The following TNIP2 variants were observed in gnomAD, a reference collection of about 807,000 sequenced individuals.
The protein encoded by TNIP2 is TNFAIP3 interacting protein 2.
Under a neutral mutation model 43.7 loss-of-function variants are expected in TNIP2, and 30 were observed. The observed-to-expected ratio is 0.69, with a 90% CI of 0.51 to 0.93. The LOEUF (loss-of-function observed/expected upper bound fraction) is 0.93, where lower values mean the gene tolerates loss of function less well. Ranked by LOEUF, TNIP2 falls within the 40% of genes least tolerant of loss-of-function variation. The probability of loss-of-function intolerance (pLI) is 0.00; values close to 1 mark genes in which losing one functional copy is unlikely to be tolerated. For missense variants in TNIP2, 599 were observed against 591.0 expected, an observed-to-expected ratio of 1.01 and a Z score of -0.14; for synonymous variants, 260 against 254.6, an observed-to-expected ratio of 1.02 and a Z score of -0.20.
At position 2,742,317 on chromosome 4, in the gene TNIP2, C is replaced by T. The variant is rs116678295; in HGVS notation, c.1230G>A (p.Gln410=). 1,281 of 1,555,770 alleles carry T rather than the reference C, an allele frequency of 8.2e-4. 6 individuals are homozygous for T. The African/African-American group carries it at 0.016, about 20-fold the overall frequency. ...CTTCCCCTTGCTCGTCACTGAAGCA[C>T]TGCAGGCAGTGAGGGCACTGAAGGT... ...QGDLQCPHCL[Q]CFSDEQGEEL... Residue 410 remains glutamine, a synonymous_variant, in exon 6 of 6, where the codon CAG becomes CAA. Coordinates refer to ENST00000315423, the MANE Select transcript of TNIP2 (RefSeq NM_024309.4).
At chr4:2,751,832 G>A (rs1722110013) in intron 1 of TNIP2, among the ~76,000 whole-genome samples, 1 of 150,434 alleles carries the variant, frequency 6.6e-6, no homozygotes, top group African/African-American at 2.5e-5. Context: ...GTGGCCCGGG[G>A]CGGTGGCTCA....
Position 2,747,680 on chromosome 4 carries a change from T to C in TNIP2, c.542A>G (p.Asn181Ser), listed in dbSNP as rs778773492. The change falls in exon 2 of 6, where the codon AAT becomes AGT. Residue 181 changes from asparagine to serine, a missense_variant. Physicochemically the swap from Asn to Ser is conservative, Grantham distance 46. Transcript: ENST00000315423. ...CTGGTCAGGACTTCTCTCCCCCACATTCCTTTGTGCATGCTGTCGTTCATC... is the reference window on the plus strand; with the variant it reads ...CTGGTCAGGACTTCTCTCCCCCACACTCCTTTGTGCATGCTGTCGTTCATC... ...CLDERQHAQR[N>S]VGERSPDQSE... 3.1e-6 allele frequency: 5 copies of C among 1,599,332 alleles called. No individual in the cohort carries two copies. Among genetic ancestry groups the C allele is most frequent in the Admixed American group, 1.7e-5 (1 of 60,010 alleles).
intron 1 of TNIP2, among the ~76,000 whole-genome samples, chr4:2,751,285 AAC>A (rs938868678): frequency 4.6e-5 from 7 of 152,222 alleles, no homozygotes; most frequent in Non-Finnish European, 8.8e-5. Flanking sequence ...ACACAGGCAC[AAC>A]ACACAGACTA....
At position 2,744,405 on chromosome 4, in the gene TNIP2, G is replaced by C; in HGVS notation, c.1008C>G (p.His336Gln). The C allele has an allele frequency of 6.2e-7, 1 of 1,614,236 alleles. No homozygotes were observed. The highest frequency in any genetic ancestry group is 1.1e-5 in the South Asian group (1 of 91,090). Residue 336 changes from histidine (H) to glutamine (Q), a missense_variant, in exon 5 of 6, where the codon CAC becomes CAG. By Grantham distance (24) the His-to-Gln change is conservative. Coordinates refer to ENST00000315423, the MANE Select transcript of TNIP2 (RefSeq NM_024309.4). This position sits in a 1 kb window ranked among gnomAD's most constrained non-coding sequence, Gnocchi z 5.1. ...ACTCTACCTGTCTCCAGGACACCTG[G>C]TGCAGCAAAGAGGCGACCTTTTCCT... ...ELEEKVASLL[H>Q]QVSWRQDSRE...
chr4:2,754,586 T>A (rs924218884), intron 1 of TNIP2, among the ~76,000 whole-genome samples: 1 of 152,150 alleles, frequency 6.6e-6, no homozygotes. Flanking sequence ...CCAGCTAATT[T>A]TTTGTATTTT....
At chr4:2,746,745 G>C (rs1721957827) in intron 2 of TNIP2, among the ~76,000 whole-genome samples, 1 of 152,240 alleles carries the variant, frequency 6.6e-6, no homozygotes, top group Non-Finnish European at 1.5e-5. Context: ...GTGCCCGGCA[G>C]TGCGAGTGAG....
rs191183378 is a variant in TNIP2 at position 2,747,226 on chromosome 4, C to T, written c.567+429G>A. Among the ~76,000 whole-genome samples the T allele has an allele frequency of 2.5e-3, 388 of 152,362 alleles. 3 individuals are homozygous for T. The highest frequency in any genetic ancestry group is 4.3e-3 in the Non-Finnish European group (294 of 68,028). On this transcript the variant is annotated intron_variant, in intron 2 of 5. Coordinates refer to ENST00000315423, the MANE Select transcript of TNIP2 (RefSeq NM_024309.4). ...AGAAGGCGGGCACTCACGGTCCTTC[C>T]AGGAGTTTGGGGTGTGGAACTGGAG... is the stretch of plus-strand genomic sequence containing the variant.
intron 1 of TNIP2, 90 bp downstream of exon 1, chr4:2,755,924 A>T (rs1378076781): frequency 1.2e-5 from 16 of 1,383,112 alleles, no homozygotes; most frequent in Non-Finnish European, 1.3e-5. Context: ...ACCCCTCAGG[A>T]CCCGGGGCCC....
rs1238418429 is a variant in TNIP2, at chr4:2,755,411, C to G, written c.276+603G>C. Among the ~76,000 whole-genome samples the G allele has an allele frequency of 3.6e-5, 5 of 139,790 alleles. No homozygotes were observed. In the East Asian group the frequency reaches 1.0e-3, roughly 29 times the overall value. 91.7% of individuals were successfully genotyped at this position (139,790 alleles called of 152,430 possible). A position where few individuals can be genotyped will look rare whatever the true frequency, so the allele number is the denominator to read the frequency against. ...ACACAGAACCCAAGAACTGCACCAA[C>G]CCCCCTCCTCAGAACCCAGTGCCTC... On this transcript the variant is annotated intron_variant, in intron 1 of 5. Coordinates refer to ENST00000315423, the MANE Select transcript of TNIP2 (RefSeq NM_024309.4).
chr4:2,756,123 TCCAGCGCGG>T lies in TNIP2; in HGVS notation c.158_166del (p.Ala53_Leu55del). ...CACTAGGGACGGCGCGGCGTCCCCC[TCCAGCGCGG>T]CCAGGCGGGCGCGGAGGCGAGCGAT... On this transcript the variant is annotated inframe_deletion, in exon 1 of 6. Transcript: ENST00000315423. 2.0e-6 allele frequency: 3 copies of T among 1,476,920 alleles called. No individual in the cohort carries two copies. Among genetic ancestry groups the T allele is most frequent in the Non-Finnish European group, 2.7e-6 (3 of 1,122,676 alleles). 91.5% of individuals were successfully genotyped at this position (1,476,920 alleles called of 1,614,324 possible).
rs750934588 is a variant in TNIP2, at chr4:2,742,352, C to G, written c.1195G>C (p.Gly399Arg). Residue 399 changes from glycine to arginine, a missense_variant, in exon 6 of 6, where the codon GGC becomes CGC. Gly to Arg is a moderately radical substitution (Grantham distance 125). Transcript: ENST00000315423. Reference sequence around the variant, plus strand: ...TGAGGGCACTGAAGGTCCCCCTGGCCTCTCTGGGCCGCGCCAGGATGCCCG... The same window carrying G: ...TGAGGGCACTGAAGGTCCCCCTGGCGTCTCTGGGCCGCGCCAGGATGCCCG... Reference protein sequence around the residue: ...EGGHPGAAQRGQGDLQCPHCL... With the variant: ...EGGHPGAAQRRQGDLQCPHCL... 1 of 1,593,688 alleles carries G rather than the reference C, an allele frequency of 6.3e-7. No homozygotes were observed. The highest frequency in any genetic ancestry group is 2.3e-5 in the East Asian group (1 of 43,832).
chr4:2,753,492 G>C (rs1234165726), intron 1 of TNIP2, among the ~76,000 whole-genome samples: 1 of 152,118 alleles, frequency 6.6e-6, no homozygotes, highest in Non-Finnish European at 1.5e-5. Context: ...CTTACATGTT[G>C]GGAAGACAGG....
chr4:2,747,785 G>T lies in TNIP2; in HGVS notation c.437C>A (p.Ser146Tyr). Residue 146 changes from serine to tyrosine, a missense_variant, in exon 2 of 6, where the codon TCC becomes TAC. Ser to Tyr is a moderately radical substitution (Grantham distance 144). Coordinates refer to ENST00000315423, the MANE Select transcript of TNIP2 (RefSeq NM_024309.4). Reference sequence around the variant, plus strand: ...CAGCTGATGGGTCTCGTTGGCCAAGGAGCGGCACAGGACGTCACTGGCGGC... The same window carrying T: ...CAGCTGATGGGTCTCGTTGGCCAAGTAGCGGCACAGGACGTCACTGGCGGC... The part of the protein sequence containing the change: ...ARAASDVLCR[S>Y]LANETHQLRR... 1 of 1,612,366 alleles carries T rather than the reference G, an allele frequency of 6.2e-7. No homozygotes were observed. Among genetic ancestry groups the T allele is most frequent in the African/African-American group, 1.3e-5 (1 of 75,072 alleles).
intron 1 of TNIP2, 110 bp from the exon 2 acceptor site, chr4:2,748,055 C>CAAACAT (rs1722001229): frequency 1.8e-6 from 2 of 1,137,930 alleles, no homozygotes; most frequent in Admixed American, 4.9e-5. Context: ...TCACCAGACA[C>CAAACAT]AAACATACTC....
chr4:2,756,252 G>A lies in TNIP2; in HGVS notation c.38C>T (p.Ala13Val), dbSNP rs1005196687. ...GCAGAGCGCGGCAGCTGCGCGCGGG[G>A]CCTCCTCCCAGCCGCCCGACCCCGG... ...RDPGSGGWEE[A>V]PRAAAALCTL... Residue 13 changes from alanine to valine, a missense_variant, in exon 1 of 6, where the codon GCC becomes GTC. Transcript: ENST00000315423. The A allele has an allele frequency of 6.9e-7, 1 of 1,443,646 alleles. No individual in the cohort carries two copies. The highest frequency in any genetic ancestry group is 9.1e-7 in the Non-Finnish European group (1 of 1,103,302). The allele number at this position is 1,443,646 out of a possible 1,614,324, so 89.4% of individuals were successfully genotyped here.
chr4:2,754,264 G>A (rs1722170261), intron 1 of TNIP2, among the ~76,000 whole-genome samples: 1 of 152,220 alleles, frequency 6.6e-6, no homozygotes, highest in Admixed American at 6.5e-5. Flanking sequence ...AATAATAGAT[G>A]CCAGAGCTCA....
intron 3 of TNIP2, among the ~76,000 whole-genome samples, chr4:2,745,164 G>A (rs939520626): frequency 9.2e-5 from 14 of 152,344 alleles, no homozygotes; most frequent in African/African-American, 1.7e-4. Flanking sequence ...ATGAACGGAG[G>A]TGGACTCGGT....
intron 5 of TNIP2, among the ~76,000 whole-genome samples, chr4:2,742,908 T>G (rs920961630): frequency 1.3e-5 from 2 of 152,198 alleles, no homozygotes; most frequent in African/African-American, 4.8e-5. Context: ...GTACCAACCC[T>G]ACTCTGCACC....
At chr4:2,752,158 G>GA (rs1264497363) in intron 1 of TNIP2, among the ~76,000 whole-genome samples, 1 of 150,230 alleles carries the variant, frequency 6.7e-6, no homozygotes, top group African/African-American at 2.4e-5. Context: ...GAAGAGAAAA[G>GA]AAAAGAAAGA....
Sources: allele counts gnomAD v4.1 joint callset (sites outside exome capture counted in the v4.1 genomes callset), GRCh38; gene constraint gnomAD v4.1.1; non-coding constraint Gnocchi (gnomAD v3.1); transcripts MANE v1.5; gene names NCBI Gene and HGNC (gene_info 2026-07-23, HGNC 2026-07-21).